Variants in CATSPERT observed in about 807,000 individuals in gnomAD.
CATSPERT encodes catsper channel auxiliary subunit tau.
the CATSPERT span, among the ~76,000 whole-genome samples, chr2:201,609,873 A>G: frequency 6.9e-6 from 1 of 145,710 alleles, no homozygotes; most frequent in Non-Finnish European, 1.5e-5. Context: ...AACCTTTAAA[A>G]AGTACAAAGA....
the CATSPERT span, among the ~76,000 whole-genome samples, chr2:201,513,365 A>G: frequency 1.3e-5 from 2 of 152,260 alleles, no homozygotes; most frequent in Non-Finnish European, 1.5e-5. Context: ...AATGCAAATC[A>G]AAGCCACAAT....
At chr2:201,532,344 A>C in the CATSPERT span, among the ~76,000 whole-genome samples, 6 of 152,348 alleles carry the variant, frequency 3.9e-5, no homozygotes. Flanking sequence ...TATGCTGAAA[A>C]GATTAAAGGA....
At chr2:201,494,508 A>G in the CATSPERT span, 1 of 1,536,944 alleles carries the variant, frequency 6.5e-7, no homozygotes. Context: ...TAGTAGGATC[A>G]GGGGCTAACT....
the CATSPERT span, chr2:201,601,634 G>T: frequency 9.1e-7 from 1 of 1,096,720 alleles, no homozygotes; most frequent in Non-Finnish European, 1.3e-6. Context: ...GGCACTTACT[G>T]CTTTTGTTTC....
the CATSPERT span, among the ~76,000 whole-genome samples, chr2:201,513,878 T>C: frequency 1.3e-5 from 2 of 152,192 alleles, no homozygotes; most frequent in African/African-American, 4.8e-5. Context: ...TCTGACCAAG[T>C]AGAATTAAAT....
the CATSPERT span, chr2:201,491,139 G>T: frequency 6.7e-7 from 1 of 1,492,922 alleles, no homozygotes; most frequent in Non-Finnish European, 8.9e-7. Flanking sequence ...GCCAAATACA[G>T]AAGTAGAAGA....
chr2:201,591,710 A>G, the CATSPERT span, among the ~76,000 whole-genome samples: 2 of 152,026 alleles, frequency 1.3e-5, no homozygotes, highest in African/African-American at 4.8e-5. Flanking sequence ...CATCCCTTGT[A>G]AGTTGGATTC....
chr2:201,508,356 A>G, the CATSPERT span, among the ~76,000 whole-genome samples: 1 of 152,260 alleles, frequency 6.6e-6, no homozygotes, highest in East Asian at 1.9e-4. Flanking sequence ...AAATTAGTTG[A>G]CTTAAAAATT....
the CATSPERT span, among the ~76,000 whole-genome samples, chr2:201,545,923 C>T: frequency 3.7e-3 from 556 of 152,150 alleles, 1 homozygote; most frequent in Non-Finnish European, 5.1e-3. Flanking sequence ...AGATAAATTA[C>T]ATAATATTGT....
chr2:201,593,115 A>G, the CATSPERT span, among the ~76,000 whole-genome samples: 5 of 151,822 alleles, frequency 3.3e-5, no homozygotes, highest in African/African-American at 9.7e-5. Flanking sequence ...TCTTGTGGGC[A>G]TTTAGTGCTA....
At chr2:201,493,444 G>A in the CATSPERT span, 1 of 1,536,996 alleles carries the variant, frequency 6.5e-7, no homozygotes, top group African/African-American at 1.4e-5. Flanking sequence ...GTTTCCTTTA[G>A]GAGAAGTGAT....
chr2:201,595,228 G>T, the CATSPERT span, among the ~76,000 whole-genome samples: 1 of 142,116 alleles, frequency 7.0e-6, no homozygotes, highest in South Asian at 2.2e-4. Flanking sequence ...TCTCACTGTC[G>T]CCCAGGCTGG....
At chr2:201,547,591 C>A in the CATSPERT span, 4 of 1,507,450 alleles carry the variant, frequency 2.7e-6, no homozygotes, top group Middle Eastern at 1.7e-4. Context: ...TTTCTATATT[C>A]TTTTTTCATC....
the CATSPERT span, among the ~76,000 whole-genome samples, chr2:201,585,427 A>T: frequency 6.6e-6 from 1 of 151,070 alleles, no homozygotes; most frequent in African/African-American, 2.4e-5. Flanking sequence ...AAAAAAGACC[A>T]GGCAAACAAA....
the CATSPERT span, among the ~76,000 whole-genome samples, chr2:201,494,964 T>C: frequency 1.3e-5 from 2 of 152,108 alleles, no homozygotes; most frequent in South Asian, 4.1e-4. Context: ...AATTCTTAAT[T>C]CTGACACTAT....
At chr2:201,507,208 G>A in the CATSPERT span, among the ~76,000 whole-genome samples, 7 of 151,812 alleles carry the variant, frequency 4.6e-5, no homozygotes, top group African/African-American at 1.7e-4. Context: ...ATATATACAC[G>A]GTATTATATA....
the CATSPERT span, among the ~76,000 whole-genome samples, chr2:201,526,360 A>G: frequency 6.6e-6 from 1 of 152,066 alleles, no homozygotes; most frequent in Non-Finnish European, 1.5e-5. Flanking sequence ...TCTACTAAAA[A>G]TACAAAAATT....
chr2:201,616,524 C>T, the CATSPERT span, among the ~76,000 whole-genome samples: 1 of 152,192 alleles, frequency 6.6e-6, no homozygotes, highest in Non-Finnish European at 1.5e-5. Context: ...ATGCTAAAAA[C>T]TCTCAATAAA....
chr2:201,490,741 T>C, the CATSPERT span, among the ~76,000 whole-genome samples: 3 of 152,206 alleles, frequency 2.0e-5, no homozygotes, highest in Admixed American at 2.0e-4. Context: ...TTGTTTGTTT[T>C]GAGACGGGGT....
Sources: allele counts gnomAD v4.1 joint callset (sites outside exome capture counted in the v4.1 genomes callset), GRCh38; gene constraint gnomAD v4.1.1; transcripts MANE v1.5; gene names NCBI Gene and HGNC (gene_info 2026-07-23, HGNC 2026-07-21).